The following INTS1 variants were observed in gnomAD, a reference collection of about 807,000 sequenced individuals.
INTS1 encodes the protein integrator complex subunit 1.
INTS1 carries 137 observed loss-of-function variants against 241.6 expected under a neutral mutation model. That is an observed-to-expected ratio of 0.57 (90% CI 0.49 to 0.65). The LOEUF (loss-of-function observed/expected upper bound fraction) is 0.65, where lower values mean the gene tolerates loss of function less well. INTS1 is among the 30% of genes least tolerant of loss of function. The pLI is 0.00. For missense variants in INTS1, 3,073 were observed against 3,032.2 expected (o/e 1.01, Z -0.32); for synonymous variants, 1,692 against 1,337.8 (o/e 1.26, Z -5.78).
At position 1,485,435 on chromosome 7, in the gene INTS1, C is replaced by G. The variant is rs200828819; in HGVS notation, c.3011G>C (p.Arg1004Pro). Residue 1004 changes from arginine to proline, a missense_variant, in exon 23 of 48, where the codon CGG becomes CCG. Transcript: ENST00000404767. The part of the protein sequence containing the change: ...LSLVLSEGSL[R>P]DGEEKEPPME... ...GGGGGGCTCCTTCTCCTCCCCGTCC[C>G]GCAGGCTGCCCTCCGAAAGCACCAG... The G allele has an allele frequency of 1.8e-4, 294 of 1,612,760 alleles. No individual in the cohort carries two copies. Among genetic ancestry groups the G allele is most frequent in the Middle Eastern group, 4.9e-4 (3 of 6,062 alleles).
Position 1,498,959 on chromosome 7 carries a change from C to CCCCGCCCACCCCCCA in INTS1, c.1137+15_1137+16insTGGGGGGTGGGCGGG. On this transcript the variant is annotated intron_variant, in intron 8 of 47. Transcript: ENST00000404767. ...CCACCCCCTGCCCCGCCCACCCCCC[C>CCCCGCCCACCCCCCA]GGGGCGCCCCCGCACCTTGGGGTTC... 6.7e-7 allele frequency: 1 copy of CCCCGCCCACCCCCCA among 1,487,814 alleles called. No individual in the cohort carries two copies. Among genetic ancestry groups the CCCCGCCCACCCCCCA allele is most frequent in the Non-Finnish European group, 8.9e-7 (1 of 1,118,784 alleles). The allele number at this position is 1,487,814 out of a possible 1,614,324, so 92.2% of individuals were successfully genotyped here. A position where few individuals can be genotyped will look rare whatever the true frequency, so the allele number is the denominator to read the frequency against.
rs1193665019 is a variant in INTS1 at position 1,481,289 on chromosome 7, C to A, written c.3850+53G>T. ...CCCAGGCCCCAAAAGCCTGGCCGGG[C>A]TGGGGCTCGGTCAGCGTGTGTGAAC... On this transcript the variant is annotated intron_variant, in intron 28 of 47. Transcript: ENST00000404767. This position sits in a 1 kb window ranked among gnomAD's most constrained non-coding sequence, Gnocchi z 6.8. 6.2e-7 allele frequency: 1 copy of A among 1,606,510 alleles called. No individual in the cohort carries two copies. The highest frequency in any genetic ancestry group is 8.5e-7 in the Non-Finnish European group (1 of 1,176,246).
intron 3 of INTS1, 115 bp from the exon 4 acceptor site, chr7:1,500,481 G>T (rs917540907): frequency 1.7e-6 from 2 of 1,191,324 alleles, no homozygotes; most frequent in Non-Finnish European, 2.3e-6. Flanking sequence ...CCCTGCCAGG[G>T]ACCAGCGATC....
At chr7:1,480,225 A>G (rs1202427738) in intron 30 of INTS1, 92 bp downstream of exon 30, 1 of 1,429,132 alleles carries the variant, frequency 7.0e-7, no homozygotes, top group Non-Finnish European at 9.3e-7. Flanking sequence ...CGGTCACGCA[A>G]GTAAAGGCCG....
chr7:1,472,431 C>A (rs1330211547), intron 43 of INTS1, 45 bp from the exon 44 acceptor site: 2 of 1,372,060 alleles, frequency 1.5e-6, no homozygotes, highest in African/African-American at 1.4e-5. Context: ...AGCGGCAGGA[C>A]GTGCCACACT....
chr7:1,488,140 C>A (rs183245894), intron 18 of INTS1, among the ~76,000 whole-genome samples, 183 bp from the exon 19 acceptor site: 195 of 152,308 alleles, frequency 1.3e-3, no homozygotes, highest in African/African-American at 4.4e-3. Context: ...CGAGAAGCCG[C>A]AGCGCTGCCC....
Position 1,487,008 on chromosome 7 carries a change from G to A in INTS1, c.2740C>T (p.Leu914=), listed in dbSNP as rs753722871. 14 of 1,605,824 alleles carry A rather than the reference G, an allele frequency of 8.7e-6. No individual in the cohort carries two copies. Among genetic ancestry groups the A allele is most frequent in the Non-Finnish European group, 1.1e-5 (13 of 1,178,390 alleles). ...GCATCGTCCACAGCATCGTGCAGCA[G>A]GAACTCGCACAGACACTGCACGGGC... ...VLPVQCLCEF[L]LHDAVDDAAS... is the part of the protein sequence containing the mutation. The change falls in exon 21 of 48, where the codon CTG becomes TTG. Residue 914 remains leucine (L), a synonymous_variant. Coordinates refer to ENST00000404767, the MANE Select transcript of INTS1 (RefSeq NM_001080453.3).
chr7:1,497,056 T>C lies in INTS1; in HGVS notation c.1602+82A>G. On this transcript the variant is annotated intron_variant, in intron 11 of 47. Coordinates refer to ENST00000404767, the MANE Select transcript of INTS1 (RefSeq NM_001080453.3). This position sits in a 1 kb window ranked among gnomAD's most constrained non-coding sequence, Gnocchi z 5.3. Reference sequence around the variant, plus strand: ...CCAGAGCATCCGAAGGGGTGGAGTGTGCATGGGACCCAGGACGAGGGGGAT... The same window carrying C: ...CCAGAGCATCCGAAGGGGTGGAGTGCGCATGGGACCCAGGACGAGGGGGAT... The C allele has an allele frequency of 1.5e-6, 2 of 1,377,774 alleles. No individual in the cohort carries two copies. The highest frequency in any genetic ancestry group is 1.9e-6 in the Non-Finnish European group (2 of 1,028,296). 85.3% of individuals were successfully genotyped at this position (1,377,774 alleles called of 1,614,324 possible).
At chr7:1,470,823 C>T in intron 47 of INTS1, 23 bp downstream of exon 47, 3 of 1,554,876 alleles carry the variant, frequency 1.9e-6, no homozygotes, top group Non-Finnish European at 2.6e-6. Flanking sequence ...TGCCAGGGCC[C>T]TGGGCGGGGG....
intron 8 of INTS1, 33 bp downstream of exon 8, chr7:1,498,942 T>TGG: frequency 3.5e-5 from 28 of 800,004 alleles, no homozygotes; most frequent in Non-Finnish European, 4.3e-5. Context: ...CCCCACCCCC[T>TGG]GCCCCGCCCA....
Position 1,481,949 on chromosome 7 carries a change from G to A in INTS1, c.3704-461C>T, listed in dbSNP as rs1219388921. Among the ~76,000 whole-genome samples, 1 of 152,198 alleles carries A rather than the reference G, an allele frequency of 6.6e-6. No homozygotes were observed. Among genetic ancestry groups the A allele is most frequent in the African/African-American group, 2.4e-5 (1 of 41,450 alleles). ...CACGGCGCAGTACACTTCCGAAGCT[G>A]CACGCAGGCTGCTGTGACTATCTTC... On this transcript the variant is annotated intron_variant, in intron 27 of 47. Transcript: ENST00000404767. The surrounding 1 kb of genome is among the most constrained non-coding windows in gnomAD (Gnocchi z 6.8).
intron 3 of INTS1, chr7:1,500,948 G>C (rs1783147991): frequency 6.6e-6 from 1 of 152,326 alleles, no homozygotes. Flanking sequence ...TTTTCATTCT[G>C]ATTCTTCTCT....
At position 1,493,635 on chromosome 7, in the gene INTS1, A is replaced by G. The variant is rs1337901747; in HGVS notation, c.2068+119T>C. 1 of 1,349,248 alleles carries G rather than the reference A, an allele frequency of 7.4e-7. No homozygotes were observed. Among genetic ancestry groups the G allele is most frequent in the East Asian group, 2.6e-5 (1 of 38,332 alleles). The allele number at this position is 1,349,248 out of a possible 1,614,324, so 83.6% of individuals were successfully genotyped here. ...AGGTCCCCGAGCCTCCCGGGGACCC[A>G]GGACCCAGCTGAAGCGCAGCTTTGT... On this transcript the variant is annotated intron_variant, in intron 15 of 47. Coordinates refer to ENST00000404767, the MANE Select transcript of INTS1 (RefSeq NM_001080453.3). The surrounding 1 kb of genome is among the most constrained non-coding windows in gnomAD (Gnocchi z 5.3).
Position 1,476,647 on chromosome 7 carries a change from A to G in INTS1, c.5074T>C (p.Ser1692Pro). 6.2e-7 allele frequency: 1 copy of G among 1,612,676 alleles called. No individual in the cohort carries two copies. Among genetic ancestry groups the G allele is most frequent in the African/African-American group, 1.3e-5 (1 of 75,054 alleles). The change falls in exon 37 of 48, where the codon TCT (serine) becomes CCT (proline). Residue 1692 changes from serine (S) to proline (P), a missense_variant. Ser to Pro is a moderately conservative substitution (Grantham distance 74). Coordinates refer to ENST00000404767, the MANE Select transcript of INTS1 (RefSeq NM_001080453.3). Reference sequence around the variant, plus strand: ...GCCCAGAGGAAGTCCAGAGAGGCAGAGGGGTCGAACCTGTGGGGAGGCAAA... The same window carrying G: ...GCCCAGAGGAAGTCCAGAGAGGCAGGGGGGTCGAACCTGTGGGGAGGCAAA... ...GKSREQRFDP[S>P]ASLDFLWACI...
rs1196049225 is a variant in INTS1 at position 1,497,156 on chromosome 7, G to A, written c.1584C>T (p.Tyr528=). 6.2e-7 allele frequency: 1 copy of A among 1,607,414 alleles called. No individual in the cohort carries two copies. The highest frequency in any genetic ancestry group is 1.3e-5 in the African/African-American group (1 of 74,850). The part of the protein sequence containing the change: ...GLMQERKEPQ[Y]LEMEFKERFV... ...CTGGCACCTTGAACTCCATCTCCAG[G>A]TACTGCGGCTCCTTGCGCTCCTGCA... The change falls in exon 11 of 48, where the codon TAC becomes TAT. Residue 528 remains tyrosine, a synonymous_variant. Transcript: ENST00000404767. This position sits in a 1 kb window ranked among gnomAD's most constrained non-coding sequence, Gnocchi z 5.3.
In INTS1 at chr7:1,485,158, C is replaced by T. The variant is rs748325442; in HGVS notation, c.3201G>A (p.Leu1067=). The T allele has an allele frequency of 1.9e-6, 3 of 1,600,800 alleles. No individual in the cohort carries two copies. The African/African-American group carries it at 4.0e-5, about 21-fold the overall frequency. ...ETDPQTISAY[L]IYLSQHTPVE... is the part of the protein sequence containing the mutation. ...CAGGCGTGTGCTGGGACAAGTAGAT[C>T]AGGTAGGCGCTGATGGTCTGGGGAT... Residue 1067 remains leucine (L), a synonymous_variant, in exon 24 of 48, where the codon CTG becomes CTA. Coordinates refer to ENST00000404767, the MANE Select transcript of INTS1 (RefSeq NM_001080453.3).
Position 1,493,051 on chromosome 7 carries a change from C to T in INTS1, c.2124G>A (p.Leu708=), listed in dbSNP as rs969110836. The change falls in exon 16 of 48, where the codon CTG becomes CTA. Residue 708 remains leucine, a synonymous_variant. Coordinates refer to ENST00000404767, the MANE Select transcript of INTS1 (RefSeq NM_001080453.3). This position sits in a 1 kb window ranked among gnomAD's most constrained non-coding sequence, Gnocchi z 5.3. Reference sequence around the variant, plus strand: ...TGTTTTCAGGGTGATGGTAGGTGCACAGATTCAGAACGGCGTCGATCAGCT... The same window carrying T: ...TGTTTTCAGGGTGATGGTAGGTGCATAGATTCAGAACGGCGTCGATCAGCT... ...RTQLIDAVLN[L]CTYHHPENIQ... The T allele has an allele frequency of 2.5e-6, 4 of 1,613,498 alleles. No homozygotes were observed. The highest frequency in any genetic ancestry group is 3.4e-6 in the Non-Finnish European group (4 of 1,179,678).
chr7:1,490,798 C>T (rs957279340), intron 16 of INTS1, among the ~76,000 whole-genome samples: 4 of 152,224 alleles, frequency 2.6e-5, no homozygotes, highest in African/African-American at 9.7e-5. Flanking sequence ...AGTTGGAAAA[C>T]GTACTTCCCA....
rs768040449 is a variant in INTS1, at chr7:1,499,240, C to T, written c.950+15G>A. ...CCCGCCGCCCCCAACTGGGACCGGG[C>T]AGGCACGCAGCTACCTGGGCATGAG... On this transcript the variant is annotated intron_variant, in intron 7 of 47. Transcript: ENST00000404767. The T allele has an allele frequency of 2.5e-6, 4 of 1,608,474 alleles. No homozygotes were observed. Among genetic ancestry groups the T allele is most frequent in the East Asian group, 2.2e-5 (1 of 44,840 alleles).
Sources: gnomAD v4.1 joint callset for allele counts (sites outside exome capture counted in the v4.1 genomes callset) on GRCh38, gnomAD v4.1.1 for gene constraint, Gnocchi (gnomAD v3.1) non-coding constraint, MANE v1.5 for transcripts, NCBI Gene and HGNC (gene_info 2026-07-23, HGNC 2026-07-21) for gene names.